The following LINGO2 variants were observed in gnomAD, a reference collection of about 807,000 sequenced individuals.
LINGO2 encodes the protein leucine-rich repeat and immunoglobulin-like domain-containing nogo receptor-interacting protein 2.
A neutral mutation model predicts 30.6 loss-of-function variants in LINGO2; 14 were observed. The observed-to-expected ratio is 0.46, with a 90% confidence interval of 0.30 to 0.72. The LOEUF is 0.72. LINGO2 is among the 30% of genes least tolerant of loss of function. The probability of loss-of-function intolerance (pLI) is 0.07; values close to 1 mark genes in which losing one functional copy is unlikely to be tolerated. For missense variants in LINGO2, 729 were observed against 751.7 expected, an observed-to-expected ratio of 0.97 and a Z score of 0.35; for synonymous variants, 317 against 288.5, an observed-to-expected ratio of 1.10 and a Z score of -1.00.
chr9:28,659,519 C>A (rs1298548850), intron 1 of LINGO2, among the ~76,000 whole-genome samples: 3 of 151,498 alleles, frequency 2.0e-5, no homozygotes, highest in Non-Finnish European at 2.9e-5. Context: ...ACAATCATAG[C>A]TAAATGCAGC....
At chr9:28,877,584 G>C in the LINGO2 span, among the ~76,000 whole-genome samples, 1 of 151,998 alleles carries the variant, frequency 6.6e-6, no homozygotes, top group Non-Finnish European at 1.5e-5. Context: ...TTATTTCTGA[G>C]GGCTCTGTTC....
chr9:28,189,701 G>GAGGAAGGAAGGA lies in LINGO2; in HGVS notation c.-87+105495_-87+105506dup, dbSNP rs145816256. Among the ~76,000 whole-genome samples the GAGGAAGGAAGGA allele has an allele frequency of 2.5e-3, 42 of 16,616 alleles. 4 individuals carry two copies. The highest frequency in any genetic ancestry group is 5.1e-3 in the Admixed American group (7 of 1,374). The allele number at this position is 16,616 out of a possible 152,430, so 10.9% of individuals were successfully genotyped here. On this transcript the variant is annotated intron_variant, in intron 4 of 5. Coordinates refer to ENST00000379992, the Ensembl canonical transcript of LINGO2. Reference sequence around the variant, plus strand: ...GAAGGAAGGGAGGAAGGAAGGGAGGGAGGAAGGAAGGAAGGAAGGAAGGTT... The same window carrying GAGGAAGGAAGGA: ...GAAGGAAGGGAGGAAGGAAGGGAGGGAGGAAGGAAGGAAGGAAGGAAGGAAGGAAGGAAGGTT...
chr9:28,136,164 A>T (rs1211775661), intron 4 of LINGO2, among the ~76,000 whole-genome samples: 1 of 152,236 alleles, frequency 6.6e-6, no homozygotes, highest in African/African-American at 2.4e-5. Flanking sequence ...CAAGCTTATA[A>T]TCACATAATT....
chr9:28,806,099 C>T, the LINGO2 span, among the ~76,000 whole-genome samples: 1 of 151,724 alleles, frequency 6.6e-6, no homozygotes, highest in East Asian at 1.9e-4. Flanking sequence ...CCATTTGGTC[C>T]AGGTGAAGAC....
At chr9:28,594,404 T>C (rs967812669) in intron 1 of LINGO2, among the ~76,000 whole-genome samples, 4 of 152,092 alleles carry the variant, frequency 2.6e-5, no homozygotes, top group African/African-American at 4.8e-5. Context: ...ATCTTCACAT[T>C]TGGTTTAGAG....
the LINGO2 span, among the ~76,000 whole-genome samples, chr9:28,975,948 T>C: frequency 8.2e-4 from 125 of 152,340 alleles, no homozygotes; most frequent in Admixed American, 2.6e-3. Flanking sequence ...GTATCAATTA[T>C]GCAACATCTT....
chr9:28,997,937 C>T, the LINGO2 span, among the ~76,000 whole-genome samples: 1 of 152,150 alleles, frequency 6.6e-6, no homozygotes, highest in Non-Finnish European at 1.5e-5. Flanking sequence ...AATGTTAACT[C>T]ATTCAGTCTT....
In LINGO2 at chr9:28,636,722, T is replaced by C. The variant is rs201804469; in HGVS notation, c.-365+33478A>G. 9.2e-3 allele frequency among the ~76,000 whole-genome samples: 1,402 copies of C among 152,240 alleles called. 25 individuals carry two copies. The highest frequency in any genetic ancestry group is 0.079 in the East Asian group (409 of 5,170). ...CTTCTTTGTAGATTCTGGATATTAG[T>C]GCTTTGTCAGATGAGTAGATTGCGA... On this transcript the variant is annotated intron_variant, in intron 1 of 5. Coordinates refer to ENST00000379992, the Ensembl canonical transcript of LINGO2.
At chr9:28,964,241 A>G in the LINGO2 span, among the ~76,000 whole-genome samples, 2 of 151,948 alleles carry the variant, frequency 1.3e-5, no homozygotes, top group Non-Finnish European at 2.9e-5. Context: ...AAATTATATG[A>G]AAAATCACTG....
chr9:28,223,858 G>A (rs983513452), intron 4 of LINGO2, among the ~76,000 whole-genome samples: 23 of 152,144 alleles, frequency 1.5e-4, no homozygotes, highest in African/African-American at 5.6e-4. Flanking sequence ...ACCAAAATAT[G>A]GAAGTCAAGA....
chr9:27,990,599 T>C (rs1323118040), intron 5 of LINGO2, among the ~76,000 whole-genome samples: 1 of 151,898 alleles, frequency 6.6e-6, no homozygotes, highest in Admixed American at 6.6e-5. Context: ...CTATGTATTA[T>C]ATCAAAATGA....
chr9:29,034,190 A>G, the LINGO2 span, among the ~76,000 whole-genome samples: 1 of 152,162 alleles, frequency 6.6e-6, no homozygotes, highest in Non-Finnish European at 1.5e-5. Context: ...ATTGTTAAAG[A>G]CTTTAAATAT....
At chr9:28,075,092 G>T (rs1563959738) in intron 4 of LINGO2, among the ~76,000 whole-genome samples, 1 of 151,932 alleles carries the variant, frequency 6.6e-6, no homozygotes, top group East Asian at 1.9e-4. Context: ...CCACTCGGAA[G>T]CTATCAGCAT....
the LINGO2 span, among the ~76,000 whole-genome samples, chr9:28,768,613 GACACACACACACACACAC>G: frequency 6.9e-5 from 10 of 144,410 alleles, no homozygotes; most frequent in Non-Finnish European, 1.2e-4. Context: ...GACAGACTGG[GACACACACACACACACAC>G]ACACACACAC....
intron 3 of LINGO2, among the ~76,000 whole-genome samples, chr9:28,324,221 C>T (rs565403484): frequency 6.8e-4 from 104 of 152,172 alleles, no homozygotes; most frequent in African/African-American, 2.4e-3. Flanking sequence ...AGCAGTTATT[C>T]GTTTGTTGGT....
At chr9:28,504,607 T>G (rs552581088) in intron 1 of LINGO2, among the ~76,000 whole-genome samples, 33 of 151,912 alleles carry the variant, frequency 2.2e-4, no homozygotes, top group Admixed American at 2.0e-3. Flanking sequence ...TTCATTACAT[T>G]TTAATGCATT....
intron 2 of LINGO2, among the ~76,000 whole-genome samples, chr9:28,414,672 C>T (rs1369069933): frequency 6.6e-6 from 1 of 152,018 alleles, no homozygotes. Context: ...GGGTGGGAGA[C>T]ACTTTTGAAG....
chr9:29,080,259 T>A, the LINGO2 span, among the ~76,000 whole-genome samples: 29,991 of 152,066 alleles, frequency 0.2, 3,100 homozygotes, highest in African/African-American at 0.24. Context: ...TCTCTGATGG[T>A]AGTTTGTATT....
the LINGO2 span, among the ~76,000 whole-genome samples, chr9:28,898,417 C>A: frequency 6.6e-6 from 1 of 152,158 alleles, no homozygotes; most frequent in South Asian, 2.1e-4. Context: ...TTAAATTTGA[C>A]AGTCTATAAA....
Sources: gnomAD v4.1 joint callset for allele counts (sites outside exome capture counted in the v4.1 genomes callset) on GRCh38, gnomAD v4.1.1 for gene constraint, MANE v1.5 for transcripts, NCBI Gene and HGNC (gene_info 2026-07-23, HGNC 2026-07-21) for gene names.